Variants in PDE7A observed in about 807,000 individuals in gnomAD.
PDE7A encodes phosphodiesterase 7A.
In PDE7A, 39 loss-of-function variants were observed where a neutral mutation model predicts 64.3. That is an observed-to-expected ratio of 0.61 (90% CI 0.47 to 0.79). PDE7A has a LOEUF of 0.79. PDE7A is among the 30% of genes least tolerant of loss of function. The probability of loss-of-function intolerance (pLI) is 0.00; values close to 1 mark genes in which losing one functional copy is unlikely to be tolerated. For missense variants in PDE7A, 470 were observed against 582.8 expected, an observed-to-expected ratio of 0.81 and a Z score of 1.99; for synonymous variants, 203 against 206.8, an observed-to-expected ratio of 0.98 and a Z score of 0.16.
At chr8:65,822,068 G>C (rs542871673) in intron 1 of PDE7A, among the ~76,000 whole-genome samples, 24 of 152,232 alleles carry the variant, frequency 1.6e-4, no homozygotes, top group Admixed American at 3.3e-4. Flanking sequence ...TGTTGACCTG[G>C]GGTTATGTCC....
intron 1 of PDE7A, among the ~76,000 whole-genome samples, chr8:65,798,606 A>G (rs555206933): frequency 1.3e-5 from 2 of 152,332 alleles, no homozygotes; most frequent in East Asian, 1.9e-4. Flanking sequence ...ATATACGAAT[A>G]GCCAATATGC....
At chr8:65,740,238 A>G (rs1282611175) in intron 5 of PDE7A, among the ~76,000 whole-genome samples, 1 of 152,156 alleles carries the variant, frequency 6.6e-6, no homozygotes, top group African/African-American at 2.4e-5. Flanking sequence ...AACACTGCCC[A>G]GCAATCATAT....
intron 1 of PDE7A, among the ~76,000 whole-genome samples, chr8:65,831,825 A>G (rs759352765): frequency 2.2e-4 from 34 of 152,214 alleles, no homozygotes; most frequent in Non-Finnish European, 4.9e-4. Flanking sequence ...TCTGGGTCCA[A>G]ATACAACTCA....
At chr8:65,813,508 G>C (rs1265971441) in intron 1 of PDE7A, among the ~76,000 whole-genome samples, 2 of 152,250 alleles carry the variant, frequency 1.3e-5, no homozygotes, top group East Asian at 3.9e-4. Context: ...AAATGTAATT[G>C]TAAATATTGA....
chr8:65,830,229 C>G (rs1288404551), intron 1 of PDE7A, among the ~76,000 whole-genome samples: 1 of 140,198 alleles, frequency 7.1e-6, no homozygotes, highest in Non-Finnish European at 1.5e-5. Context: ...ACACTGAAAC[C>G]TTTTTCTTTC....
intron 1 of PDE7A, among the ~76,000 whole-genome samples, chr8:65,835,498 C>T (rs1251401624): frequency 2.0e-5 from 3 of 152,174 alleles, no homozygotes; most frequent in Non-Finnish European, 4.4e-5. Context: ...TAAGTTTTGT[C>T]CACTCCCCCT....
At chr8:65,741,545 C>G (rs1382968318) in intron 5 of PDE7A, among the ~76,000 whole-genome samples, 1 of 152,214 alleles carries the variant, frequency 6.6e-6, no homozygotes, top group Non-Finnish European at 1.5e-5. Context: ...TTTTTAAAAA[C>G]TACCTGACGT....
chr8:65,727,384 CA>C, intron 7 of PDE7A, 83 bp from the exon 8 acceptor site: 1 of 1,559,806 alleles, frequency 6.4e-7, no homozygotes, highest in Non-Finnish European at 8.7e-7. Context: ...AATTAGCAGC[CA>C]ATGGTAGTGG....
chr8:65,799,123 G>A (rs1031739216), intron 1 of PDE7A, among the ~76,000 whole-genome samples: 2 of 152,122 alleles, frequency 1.3e-5, no homozygotes, highest in African/African-American at 4.8e-5. Flanking sequence ...GGCCCCAAAA[G>A]AACTTTTTGG....
chr8:65,799,438 C>A (rs1585927454), intron 1 of PDE7A, among the ~76,000 whole-genome samples: 1 of 152,152 alleles, frequency 6.6e-6, no homozygotes, highest in East Asian at 1.9e-4. Context: ...ATCCAGGAGA[C>A]TAATACACAT....
intron 1 of PDE7A, among the ~76,000 whole-genome samples, chr8:65,804,846 C>CTTTAA (rs1554569702): frequency 1.7e-4 from 25 of 151,472 alleles, no homozygotes; most frequent in Non-Finnish European, 2.1e-4. Flanking sequence ...GCCAAGTTTT[C>CTTTAA]TTTTATTTTG....
chr8:65,807,416 T>A (rs553838824), intron 1 of PDE7A, among the ~76,000 whole-genome samples: 5 of 152,368 alleles, frequency 3.3e-5, no homozygotes, highest in African/African-American at 1.2e-4. Flanking sequence ...TTATTAGTGC[T>A]AAAATTTCTT....
rs1450655511 is a variant in PDE7A, at chr8:65,717,154, C to T, written c.*2136G>A. On this transcript the variant is annotated 3_prime_UTR_variant, in exon 13 of 13. Transcript: ENST00000401827. The stretch of plus-strand genomic sequence containing the variant: ...TTTCTAAATGTGGCTACTAGAAAAC[C>T]GAAAATTATGTGGCTTGGATTCTGT... Among the ~76,000 whole-genome samples the T allele has an allele frequency of 2.0e-5, 3 of 152,000 alleles. No homozygotes were observed. The highest frequency in any genetic ancestry group is 6.6e-5 in the Admixed American group (1 of 15,254).
At position 65,718,313 on chromosome 8, in the gene PDE7A, A is replaced by G. The variant is rs1283552622; in HGVS notation, c.*977T>C. Reference sequence around the variant, plus strand: ...CAAACACACATCCGTACATTCACACACAACATACCTCTCACTCACTGCAGC... The same window carrying G: ...CAAACACACATCCGTACATTCACACGCAACATACCTCTCACTCACTGCAGC... On this transcript the variant is annotated 3_prime_UTR_variant, in exon 13 of 13. Coordinates refer to ENST00000401827, the MANE Select transcript of PDE7A (RefSeq NM_001242318.3). The G allele has an allele frequency of 6.6e-6, 1 of 152,314 alleles. No homozygotes were observed. Among genetic ancestry groups the G allele is most frequent in the African/African-American group, 2.4e-5 (1 of 41,446 alleles). 9.4% of individuals were successfully genotyped at this position (152,314 alleles called of 1,614,324 possible).
intron 3 of PDE7A, chr8:65,771,114 G>T (rs773280112): frequency 7.0e-6 from 2 of 285,988 alleles, no homozygotes; most frequent in Non-Finnish European, 1.4e-5. Context: ...AATGGTTGAG[G>T]TCCTTCTTTT....
intron 1 of PDE7A, among the ~76,000 whole-genome samples, chr8:65,834,071 G>C (rs963147041): frequency 2.0e-5 from 3 of 152,070 alleles, no homozygotes; most frequent in Non-Finnish European, 2.9e-5. Context: ...GACCTGCAAA[G>C]GTCCCCTTAC....
At chr8:65,822,292 C>T (rs933473019) in intron 1 of PDE7A, among the ~76,000 whole-genome samples, 8 of 152,136 alleles carry the variant, frequency 5.3e-5, no homozygotes, top group African/African-American at 1.4e-4. Flanking sequence ...TCCAGAAATC[C>T]TCCGTCATTC....
chr8:65,741,573 A>G (rs1475063440), intron 5 of PDE7A, among the ~76,000 whole-genome samples: 3 of 152,248 alleles, frequency 2.0e-5, no homozygotes, highest in Non-Finnish European at 2.9e-5. Context: ...TCATGTGGAA[A>G]GAAAAAAGCA....
chr8:65,719,363 G>A lies in PDE7A; in HGVS notation c.1376C>T (p.Ser459Leu), dbSNP rs79989766. The change falls in exon 13 of 13, where the codon TCG becomes TTG. Residue 459 changes from serine (S) to leucine (L), a missense_variant. By Grantham distance (145) the Ser-to-Leu change is moderately radical. Coordinates refer to ENST00000401827, the MANE Select transcript of PDE7A (RefSeq NM_001242318.3). ...TGCAGCATCAGTGTCCTCACTGCTC[G>A]ACTGTTCTCTCTGCAGTCCCTTCCA... ...ASWKGLQREQ[S>L]SSEDTDAAFE... is the part of the protein sequence containing the mutation. 192 of 1,613,982 alleles carry A rather than the reference G, an allele frequency of 1.2e-4. 1 individual carries two copies. In the African/African-American group the frequency reaches 1.9e-3, roughly 16 times the overall value.
Sources: allele counts gnomAD v4.1 joint callset (sites outside exome capture counted in the v4.1 genomes callset), GRCh38; gene constraint gnomAD v4.1.1; transcripts MANE v1.5; gene names NCBI Gene and HGNC (gene_info 2026-07-23, HGNC 2026-07-21).